PIP4P2: variants seen among roughly 807,000 people sequenced by gnomAD.
PIP4P2 encodes type 2 phosphatidylinositol 4,5-bisphosphate 4-phosphatase.
In PIP4P2, 19 loss-of-function variants were observed where a neutral mutation model predicts 33.3. The ratio of observed to expected loss-of-function variants is 0.57; its 90% CI spans 0.40 to 0.84. The LOEUF (loss-of-function observed/expected upper bound fraction) is 0.84, where lower values mean the gene tolerates loss of function less well. Ranked by LOEUF, PIP4P2 falls within the 40% of genes least tolerant of loss-of-function variation. PIP4P2 has a pLI of 0.00. For synonymous variants in PIP4P2, 110 were observed against 111.9 expected (o/e 0.98, Z 0.11); for missense variants, 270 against 324.7 (o/e 0.83, Z 1.29).
intron 1 of PIP4P2, among the ~76,000 whole-genome samples, chr8:91,022,165 A>G (rs2130371089): frequency 6.6e-6 from 1 of 152,294 alleles, no homozygotes. Context: ...AGAATGGGGA[A>G]CCAGATGAAA....
chr8:91,029,570 C>T (rs111928427), intron 1 of PIP4P2, among the ~76,000 whole-genome samples: 10 of 152,272 alleles, frequency 6.6e-5, no homozygotes, highest in African/African-American at 2.4e-4. Flanking sequence ...ATCATTCATT[C>T]ATACAATCAA....
At chr8:90,998,227 A>T (rs768775131) in intron 5 of PIP4P2, among the ~76,000 whole-genome samples, 1 of 152,038 alleles carries the variant, frequency 6.6e-6, no homozygotes, top group Non-Finnish European at 1.5e-5. Context: ...AAGCTTATTA[A>T]AATTATGTAC....
intron 1 of PIP4P2, among the ~76,000 whole-genome samples, chr8:91,027,227 A>G (rs1812096496): frequency 6.6e-6 from 1 of 152,230 alleles, no homozygotes; most frequent in Non-Finnish European, 1.5e-5. Flanking sequence ...ATTGATTGCA[A>G]ATAAGTGGAA....
At chr8:91,004,081 A>G (rs912791979) in intron 5 of PIP4P2, among the ~76,000 whole-genome samples, 3 of 152,126 alleles carry the variant, frequency 2.0e-5, no homozygotes, top group Non-Finnish European at 4.4e-5. Context: ...AAGTCTTGCA[A>G]CAGGGGATCT....
intron 1 of PIP4P2, among the ~76,000 whole-genome samples, chr8:91,040,329 C>T (rs1812286477): frequency 6.6e-6 from 1 of 152,106 alleles, no homozygotes; most frequent in Non-Finnish European, 1.5e-5. Context: ...CTAAGCAGAG[C>T]TTGGGAAATT....
At chr8:91,040,069 G>C (rs976570491) in intron 1 of PIP4P2, among the ~76,000 whole-genome samples, 3 of 151,974 alleles carry the variant, frequency 2.0e-5, no homozygotes, top group Admixed American at 6.6e-5. Context: ...AAAAAGGAGG[G>C]GCAGGAATTT....
intron 5 of PIP4P2, among the ~76,000 whole-genome samples, chr8:91,001,887 G>C (rs1563561365): frequency 2.0e-5 from 3 of 151,982 alleles, no homozygotes. Flanking sequence ...CTTTTCGCAG[G>C]CTCCCTAGAC....
chr8:91,022,925 A>G (rs1259738307), intron 1 of PIP4P2, among the ~76,000 whole-genome samples: 1 of 152,196 alleles, frequency 6.6e-6, no homozygotes, highest in Non-Finnish European at 1.5e-5. Context: ...ACTGCCAAAC[A>G]CTGAAATTCA....
At chr8:91,010,957 TAAAA>T (rs5893153) in intron 4 of PIP4P2, among the ~76,000 whole-genome samples, 4 of 133,844 alleles carry the variant, frequency 3.0e-5, no homozygotes, top group African/African-American at 5.6e-5. Context: ...AGAAGATTTG[TAAAA>T]AAAAAAAAAA....
intron 5 of PIP4P2, among the ~76,000 whole-genome samples, chr8:91,004,270 G>A (rs761840131): frequency 6.6e-5 from 10 of 152,102 alleles, no homozygotes; most frequent in Non-Finnish European, 1.5e-4. Flanking sequence ...TTCAAGGGCA[G>A]GAAAAGAGTG....
chr8:91,023,618 G>T (rs1812042047), intron 1 of PIP4P2, among the ~76,000 whole-genome samples: 1 of 151,568 alleles, frequency 6.6e-6, no homozygotes. Context: ...CTACTCTTTT[G>T]GAGGCTTGGG....
At chr8:91,001,603 T>C (rs539476406) in intron 5 of PIP4P2, among the ~76,000 whole-genome samples, 38 of 152,234 alleles carry the variant, frequency 2.5e-4, no homozygotes, top group Admixed American at 8.5e-4. Context: ...GAGTACCTGG[T>C]AATTTTTAAA....
At chr8:91,035,393 A>G (rs1469487228) in intron 1 of PIP4P2, among the ~76,000 whole-genome samples, 1 of 152,228 alleles carries the variant, frequency 6.6e-6, no homozygotes, top group Non-Finnish European at 1.5e-5. Context: ...ACTGTCACTA[A>G]AGTCCCTAAT....
At position 91,008,784 on chromosome 8, in the gene PIP4P2, C is replaced by T; in HGVS notation, c.498G>A (p.Leu166=). 2 of 1,602,262 alleles carry T rather than the reference C, an allele frequency of 1.2e-6. No homozygotes were observed. Among genetic ancestry groups the T allele is most frequent in the Non-Finnish European group, 1.7e-6 (2 of 1,171,588 alleles). ...GGCATTTTGCCAGAGTGTTGAACCT[C>T]AGTTCCATCCACTGTAAAATAAACA... ...HCGNTFLWME[L]RFNTLAKCPH... The change falls in exon 5 of 7, where the codon CTG becomes CTA. Residue 166 remains leucine, a synonymous_variant. Transcript: ENST00000285419.
At chr8:90,999,416 T>C (rs953535435) in intron 5 of PIP4P2, among the ~76,000 whole-genome samples, 3 of 152,084 alleles carry the variant, frequency 2.0e-5, no homozygotes, top group Admixed American at 1.3e-4. Flanking sequence ...CTGATTGGTA[T>C]TGCCAAACTC....
chr8:91,028,169 G>C (rs1563568305), intron 1 of PIP4P2, among the ~76,000 whole-genome samples: 2 of 152,174 alleles, frequency 1.3e-5, no homozygotes, highest in African/African-American at 4.8e-5. Context: ...ATTAGCCTAG[G>C]ATTGAAATGG....
intron 4 of PIP4P2, among the ~76,000 whole-genome samples, chr8:91,012,917 T>C (rs953086207): frequency 6.6e-6 from 1 of 152,222 alleles, no homozygotes; most frequent in Non-Finnish European, 1.5e-5. Context: ...CTAGAATTCA[T>C]TGCCAGATGA....
At position 90,996,689 on chromosome 8, in the gene PIP4P2, C is replaced by A; in HGVS notation, c.595G>T (p.Gly199Ter). Reference protein sequence around the residue: ...RRRCCAYITIGMICIFIGVGL... With the variant: ...RRRCCAYITI Reference sequence around the variant, plus strand: ...ACTCCAATGAAAATACATATCATTCCAATGGTAATATATGCACAGCAGCGT... The same window carrying A: ...ACTCCAATGAAAATACATATCATTCAAATGGTAATATATGCACAGCAGCGT... The change falls in exon 6 of 7, where the codon GGA becomes TGA. Residue 199 changes from glycine to a stop codon, truncating the protein, a stop_gained. Coordinates refer to ENST00000285419, the MANE Select transcript of PIP4P2 (RefSeq NM_018710.3). LOFTEE classifies it high-confidence loss of function. 1 of 1,610,080 alleles carries A rather than the reference C, an allele frequency of 6.2e-7. No individual in the cohort carries two copies. Among genetic ancestry groups the A allele is most frequent in the Non-Finnish European group, 8.5e-7 (1 of 1,178,054 alleles).
chr8:91,021,165 A>G, intron 2 of PIP4P2, 91 bp downstream of exon 2: 2 of 1,445,676 alleles, frequency 1.4e-6, no homozygotes, highest in Non-Finnish European at 1.9e-6. Context: ...CAGCCCACAT[A>G]TACTTTTAAG....
Sources: allele counts gnomAD v4.1 joint callset (sites outside exome capture counted in the v4.1 genomes callset), GRCh38; gene constraint gnomAD v4.1.1; transcripts MANE v1.5; gene names NCBI Gene and HGNC (gene_info 2026-07-23, HGNC 2026-07-21).